SDK1: variants seen among roughly 807,000 people sequenced by gnomAD.
SDK1 encodes the protein protein sidekick-1.
SDK1 carries 157 observed loss-of-function variants against 245.5 expected under a neutral mutation model. The ratio of observed to expected loss-of-function variants is 0.64; its 90% CI spans 0.56 to 0.73. SDK1 has a LOEUF of 0.73. SDK1 is among the 30% of genes least tolerant of loss of function. The probability of loss-of-function intolerance (pLI) is 0.00; values close to 1 mark genes in which losing one functional copy is unlikely to be tolerated. For synonymous variants in SDK1, 1,647 were observed against 1,278.5 expected (o/e 1.29, Z -6.15); for missense variants, 3,583 against 3,002.3 (o/e 1.19, Z -4.52).
At chr7:3,587,728 C>T (rs376902781) in intron 1 of SDK1, among the ~76,000 whole-genome samples, 2 of 152,212 alleles carry the variant, frequency 1.3e-5, no homozygotes, top group Non-Finnish European at 2.9e-5. Flanking sequence ...AATTAAGTAT[C>T]TGGGCACCCC....
rs1292199670 is a variant in SDK1 at position 3,418,145 on chromosome 7, G to GCAAAAAAAAAAAAAAAAAAAAAAAA, written c.298+116261_298+116262insCAAAAAAAAAAAAAAAAAAAAAAAA. On this transcript the variant is annotated intron_variant, in intron 1 of 44. Coordinates refer to ENST00000404826, the MANE Select transcript of SDK1 (RefSeq NM_152744.4). ...GTGAAACCCGATCTCTACTAAAAAT[G>GCAAAAAAAAAAAAAAAAAAAAAAAA]AAAAAAAAAAAAAAAAAAAAAAATA... is the stretch of plus-strand genomic sequence containing the variant. Among the ~76,000 whole-genome samples the GCAAAAAAAAAAAAAAAAAAAAAAAA allele has an allele frequency of 2.0e-4, 24 of 119,724 alleles. 5 individuals carry two copies. Among genetic ancestry groups the GCAAAAAAAAAAAAAAAAAAAAAAAA allele is most frequent in the African/African-American group, 7.4e-4 (19 of 25,782 alleles). The allele number at this position is 119,724 out of a possible 152,430, so 78.5% of individuals were successfully genotyped here. A position where few individuals can be genotyped will look rare whatever the true frequency, so the allele number is the denominator to read the frequency against.
intron 5 of SDK1, among the ~76,000 whole-genome samples, chr7:3,872,306 T>G (rs1057209414): frequency 1.3e-5 from 2 of 152,166 alleles, no homozygotes; most frequent in Non-Finnish European, 2.9e-5. Flanking sequence ...TAAATGCTAG[T>G]CTCATAAAAT....
At chr7:3,533,659 C>G (rs954845086) in intron 1 of SDK1, among the ~76,000 whole-genome samples, 1 of 151,856 alleles carries the variant, frequency 6.6e-6, no homozygotes, top group East Asian at 1.9e-4. Context: ...TCTTTGATAA[C>G]TTTCTTCTCT....
chr7:3,513,344 T>C (rs946542939), intron 1 of SDK1, among the ~76,000 whole-genome samples: 16 of 152,210 alleles, frequency 1.1e-4, no homozygotes, highest in African/African-American at 3.6e-4. Flanking sequence ...AGAGGAAGAC[T>C]ATTTTTTAAA....
intron 1 of SDK1, among the ~76,000 whole-genome samples, chr7:3,578,482 C>G (rs1780373856): frequency 6.6e-6 from 1 of 151,978 alleles, no homozygotes; most frequent in Admixed American, 6.6e-5. Context: ...GAGCAGAAAA[C>G]CAGTCTGACC....
chr7:3,571,726 C>T (rs527535287), intron 1 of SDK1, among the ~76,000 whole-genome samples: 3 of 152,096 alleles, frequency 2.0e-5, no homozygotes, highest in Non-Finnish European at 2.9e-5. Context: ...ATGTGAGGAG[C>T]TCAATGAATA....
chr7:4,164,886 C>A (rs1035668770), intron 32 of SDK1, among the ~76,000 whole-genome samples: 12 of 152,138 alleles, frequency 7.9e-5, no homozygotes, highest in Non-Finnish European at 1.3e-4. Context: ...GTCAATACAA[C>A]GTCCTGTAGA....
chr7:3,334,477 A>T (rs1263739076), intron 1 of SDK1, among the ~76,000 whole-genome samples: 4 of 151,968 alleles, frequency 2.6e-5, no homozygotes, highest in Non-Finnish European at 5.9e-5. Flanking sequence ...AGAGAGTGTG[A>T]GAAAGCACAG....
At chr7:3,595,848 A>C (rs1781040116) in intron 1 of SDK1, among the ~76,000 whole-genome samples, 2 of 150,088 alleles carry the variant, frequency 1.3e-5, no homozygotes, top group Non-Finnish European at 3.0e-5. Flanking sequence ...AAAAAAAAAA[A>C]AAAAAAAACA....
At chr7:4,206,754 C>T (rs887785769) in intron 36 of SDK1, among the ~76,000 whole-genome samples, 5 of 152,188 alleles carry the variant, frequency 3.3e-5, no homozygotes, top group Non-Finnish European at 7.3e-5. Context: ...CGCCCCCATC[C>T]TTCTCCTAAA....
At chr7:3,550,747 G>A (rs1779377408) in intron 1 of SDK1, among the ~76,000 whole-genome samples, 1 of 152,128 alleles carries the variant, frequency 6.6e-6, no homozygotes, top group Admixed American at 6.5e-5. Context: ...ATATTACTAT[G>A]ACAAGTGATA....
At chr7:4,129,458 C>T (rs1008426018) in intron 26 of SDK1, among the ~76,000 whole-genome samples, 3 of 151,958 alleles carry the variant, frequency 2.0e-5, no homozygotes, top group Admixed American at 2.0e-4. Context: ...GCAGATGGCC[C>T]AAGGAGGCCA....
chr7:3,881,412 G>A (rs1034222584), intron 5 of SDK1, among the ~76,000 whole-genome samples: 3 of 152,252 alleles, frequency 2.0e-5, no homozygotes, highest in South Asian at 2.1e-4. Context: ...CTCCTTCTGC[G>A]TCCCTGCAAA....
chr7:3,511,647 A>G (rs1413612984), intron 1 of SDK1, among the ~76,000 whole-genome samples: 1 of 152,132 alleles, frequency 6.6e-6, no homozygotes, highest in Non-Finnish European at 1.5e-5. Flanking sequence ...GTTAAGTGGT[A>G]GTATTTACCA....
intron 19 of SDK1, among the ~76,000 whole-genome samples, chr7:4,059,925 G>A (rs1455005311): frequency 6.6e-6 from 1 of 151,126 alleles, no homozygotes; most frequent in Non-Finnish European, 1.5e-5. Context: ...TGTCGCCCAG[G>A]CTGGAGTGCA....
intron 1 of SDK1, among the ~76,000 whole-genome samples, chr7:3,371,931 C>G (rs1382684551): frequency 6.6e-6 from 1 of 152,030 alleles, no homozygotes; most frequent in African/African-American, 2.4e-5. Context: ...TAAAACAATC[C>G]CAGGAGATAG....
At chr7:3,543,105 C>T (rs1029801156) in intron 1 of SDK1, among the ~76,000 whole-genome samples, 9 of 152,336 alleles carry the variant, frequency 5.9e-5, no homozygotes, top group African/African-American at 1.7e-4. Flanking sequence ...CTGCCAAAAA[C>T]GTGTTGACCT....
At chr7:4,129,596 T>G (rs1251353869) in intron 26 of SDK1, 2 of 1,067,474 alleles carry the variant, frequency 1.9e-6, no homozygotes, top group Non-Finnish European at 2.4e-6. Flanking sequence ...CATAATCGAG[T>G]CTTTGTTTTA....
At chr7:3,801,100 T>G (rs1779096226) in intron 4 of SDK1, among the ~76,000 whole-genome samples, 1 of 152,216 alleles carries the variant, frequency 6.6e-6, no homozygotes, top group Non-Finnish European at 1.5e-5. Flanking sequence ...CAGACTAACC[T>G]GATGGTTTTT....
Sources: allele counts gnomAD v4.1 joint callset (sites outside exome capture counted in the v4.1 genomes callset), GRCh38; gene constraint gnomAD v4.1.1; transcripts MANE v1.5; gene names NCBI Gene and HGNC (gene_info 2026-07-23, HGNC 2026-07-21).